SLC22A2: variants seen among roughly 807,000 people sequenced by gnomAD.
SLC22A2 encodes organic cation transporter 2.
A neutral mutation model predicts 60.5 loss-of-function variants in SLC22A2; 46 were observed. That is an observed-to-expected ratio of 0.76 (90% CI 0.60 to 0.97). SLC22A2 has a LOEUF of 0.97. Among genes scored for constraint, SLC22A2 ranks in the 50% least tolerant of loss-of-function variants. The pLI, the probability that SLC22A2 is intolerant of heterozygous loss-of-function variation, is 0.00. For synonymous variants in SLC22A2, 303 were observed against 267.0 expected, an observed-to-expected ratio of 1.13 and a Z score of -1.31; for missense variants, 701 against 706.6, an observed-to-expected ratio of 0.99 and a Z score of 0.09.
chr6:160,239,887 C>A (rs1305986335), intron 9 of SLC22A2, among the ~76,000 whole-genome samples: 1 of 152,122 alleles, frequency 6.6e-6, no homozygotes, highest in Non-Finnish European at 1.5e-5. Flanking sequence ...TGGTTTGGAA[C>A]TTTTGCTGGC....
chr6:160,231,264 T>C (rs933793929), intron 9 of SLC22A2, among the ~76,000 whole-genome samples: 1 of 151,826 alleles, frequency 6.6e-6, no homozygotes, highest in Admixed American at 6.5e-5. Flanking sequence ...TAGGCCAAGA[T>C]ATTTTAACCA....
intron 6 of SLC22A2, 166 bp downstream of exon 6, chr6:160,245,273 T>C: frequency 4.0e-6 from 2 of 503,608 alleles, no homozygotes; most frequent in Non-Finnish European, 3.5e-6. Flanking sequence ...ATCTTAATAT[T>C]TGCCCAAGAA....
rs904457158 is a variant in SLC22A2 at position 160,232,768 on chromosome 6, A to G, written c.1502-7964T>C. ...TGCTTATGCTGATAAGGTAGCTAAA[A>G]AAGCAGCTAGCATTCCAACTTCTAT... On this transcript the variant is annotated intron_variant, in intron 9 of 10. Transcript: ENST00000366953. Among the ~76,000 whole-genome samples the G allele has an allele frequency of 2.6e-5, 4 of 151,930 alleles. No individual in the cohort carries two copies. The East Asian group carries it at 7.7e-4, about 29-fold the overall frequency.
chr6:160,232,429 C>T (rs1210505171), intron 9 of SLC22A2, among the ~76,000 whole-genome samples: 1 of 151,906 alleles, frequency 6.6e-6, no homozygotes, highest in African/African-American at 2.4e-5. Context: ...GAACTCATTG[C>T]CTGAACTTGG....
intron 2 of SLC22A2, among the ~76,000 whole-genome samples, chr6:160,251,876 A>G (rs996215211): frequency 3.9e-5 from 6 of 152,230 alleles, no homozygotes; most frequent in African/African-American, 1.4e-4. Flanking sequence ...TTTAAATATG[A>G]AATTTTAAGG....
intron 9 of SLC22A2, among the ~76,000 whole-genome samples, chr6:160,238,449 T>C (rs2114860723): frequency 6.6e-6 from 1 of 152,334 alleles, no homozygotes; most frequent in Non-Finnish European, 1.5e-5. Flanking sequence ...ATACAACTGA[T>C]TAATAAAATT....
intron 9 of SLC22A2, among the ~76,000 whole-genome samples, chr6:160,234,701 T>C (rs315983): frequency 0.72 from 109,692 of 152,100 alleles, 40,664 homozygotes; most frequent in Admixed American, 0.83. Flanking sequence ...TCATGTCATA[T>C]TTATCCCTAA....
At chr6:160,238,121 G>C (rs1782939600) in intron 9 of SLC22A2, among the ~76,000 whole-genome samples, 1 of 152,216 alleles carries the variant, frequency 6.6e-6, no homozygotes, top group Non-Finnish European at 1.5e-5. Flanking sequence ...TAATAAACTT[G>C]CTTTCACATC....
chr6:160,248,083 T>C (rs891167732), intron 4 of SLC22A2, among the ~76,000 whole-genome samples: 3 of 152,232 alleles, frequency 2.0e-5, no homozygotes, highest in Non-Finnish European at 4.4e-5. Context: ...CAGGGTATAA[T>C]GGACTGAATG....
chr6:160,239,163 A>G (rs1327018804), intron 9 of SLC22A2, among the ~76,000 whole-genome samples: 1 of 152,150 alleles, frequency 6.6e-6, no homozygotes, highest in Non-Finnish European at 1.5e-5. Flanking sequence ...ATGTTAAAAG[A>G]CACTCCCACC....
intron 9 of SLC22A2, among the ~76,000 whole-genome samples, chr6:160,231,018 C>T (rs898229078): frequency 6.6e-6 from 1 of 151,906 alleles, no homozygotes; most frequent in Non-Finnish European, 1.5e-5. Context: ...GGACACTGAG[C>T]TTTGGGTAAC....
At chr6:160,238,709 G>A (rs1782952150) in intron 9 of SLC22A2, among the ~76,000 whole-genome samples, 1 of 152,206 alleles carries the variant, frequency 6.6e-6, no homozygotes, top group Non-Finnish European at 1.5e-5. Flanking sequence ...CTAAAGGTTA[G>A]TGAGGGAAGA....
At position 160,257,969 on chromosome 6, in the gene SLC22A2, T is replaced by C. The variant is rs1024837084; in HGVS notation, c.414+375A>G. ...CAGTTGAGTTCCACGGGCTTTCAGG[T>C]GTGTGTGGGCATCTGCGGGATGGAG... is the stretch of plus-strand genomic sequence containing the variant. On this transcript the variant is annotated intron_variant, in intron 1 of 10. Transcript: ENST00000366953. The C allele has an allele frequency of 1.5e-5, 3 of 200,940 alleles. No homozygotes were observed. In the Admixed American group the frequency reaches 1.7e-4, roughly 11 times the overall value. The allele number at this position is 200,940 out of a possible 1,614,324, so 12.4% of individuals were successfully genotyped here.
At chr6:160,236,166 G>C (rs994462727) in intron 9 of SLC22A2, among the ~76,000 whole-genome samples, 2 of 152,112 alleles carry the variant, frequency 1.3e-5, no homozygotes, top group African/African-American at 4.8e-5. Flanking sequence ...GACTTTAACA[G>C]GTATTCTTGA....
intron 9 of SLC22A2, among the ~76,000 whole-genome samples, chr6:160,227,880 G>T (rs539670013): frequency 6.6e-6 from 1 of 152,298 alleles, no homozygotes; most frequent in South Asian, 2.1e-4. Flanking sequence ...CAATGAGAGG[G>T]ACCTCTGGTC....
intron 9 of SLC22A2, among the ~76,000 whole-genome samples, chr6:160,233,531 C>T (rs1782860301): frequency 6.6e-6 from 1 of 151,920 alleles, no homozygotes; most frequent in Admixed American, 6.6e-5. Context: ...AACTCACCAA[C>T]CAAACAAGTA....
At chr6:160,246,524 A>G (rs1583399008) in intron 5 of SLC22A2, among the ~76,000 whole-genome samples, 1 of 152,098 alleles carries the variant, frequency 6.6e-6, no homozygotes, top group African/African-American at 2.4e-5. Context: ...AGGCTGGTGG[A>G]TCACCTGAGG....
chr6:160,249,450 G>C (rs1483212750), intron 3 of SLC22A2, 66 bp from the exon 4 acceptor site: 1 of 1,307,972 alleles, frequency 7.6e-7, no homozygotes, highest in Non-Finnish European at 1.1e-6. Flanking sequence ...CCAGCTATCA[G>C]GAAACTAGAA....
intron 2 of SLC22A2, among the ~76,000 whole-genome samples, chr6:160,254,089 C>T (rs1583401813): frequency 6.6e-6 from 1 of 152,078 alleles, no homozygotes; most frequent in Non-Finnish European, 1.5e-5. Context: ...ATCAACCTGG[C>T]CAACATGGTG....
Sources: allele counts gnomAD v4.1 joint callset (sites outside exome capture counted in the v4.1 genomes callset), GRCh38; gene constraint gnomAD v4.1.1; transcripts MANE v1.5; gene names NCBI Gene and HGNC (gene_info 2026-07-23, HGNC 2026-07-21).